ALX4: variants seen among roughly 807,000 people sequenced by gnomAD.
The protein encoded by ALX4 is homeobox protein aristaless-like 4.
Under a neutral mutation model 40.6 loss-of-function variants are expected in ALX4, and 22 were observed. The observed-to-expected ratio is 0.54, with a 90% CI of 0.39 to 0.77. The LOEUF (loss-of-function observed/expected upper bound fraction) is 0.77, where lower values mean the gene tolerates loss of function less well. Among genes scored for constraint, ALX4 ranks in the 30% least tolerant of loss-of-function variants. ALX4 has a pLI of 0.00. For synonymous variants in ALX4, 266 were observed against 240.5 expected (o/e 1.11, Z -0.98); for missense variants, 556 against 564.8 (o/e 0.98, Z 0.16).
At chr11:44,302,835 C>CA (rs1348116592) in intron 1 of ALX4, among the ~76,000 whole-genome samples, 7 of 152,210 alleles carry the variant, frequency 4.6e-5, no homozygotes, top group Admixed American at 1.3e-4. Flanking sequence ...TTCTCCTGGA[C>CA]AAAAATGCGT....
chr11:44,284,621 G>C (rs1047284220), intron 1 of ALX4, among the ~76,000 whole-genome samples: 14 of 152,174 alleles, frequency 9.2e-5, no homozygotes, highest in Non-Finnish European at 1.3e-4. Flanking sequence ...GTCCCCACCA[G>C]ACTCACGGAC....
rs374837304 is a variant in ALX4 at position 44,282,604 on chromosome 11, G to A, written c.467-6946C>T. Among the ~76,000 whole-genome samples the A allele has an allele frequency of 1.8e-4, 27 of 152,316 alleles. No individual in the cohort carries two copies. The East Asian group carries it at 4.4e-3, about 25-fold the overall frequency. On this transcript the variant is annotated intron_variant, in intron 1 of 3. Coordinates refer to ENST00000652299, the MANE Select transcript of ALX4 (RefSeq NM_021926.4). ...TGTCCTTTGACAGGGGAATGGAGAC[G>A]CAAGCTGTGGTCTATCCAGGCCATG...
chr11:44,264,738 A>G lies in ALX4; in HGVS notation c.*116T>C. On this transcript the variant is annotated 3_prime_UTR_variant, in exon 4 of 4. Coordinates refer to ENST00000652299, the MANE Select transcript of ALX4 (RefSeq NM_021926.4). ...GGGGCGGCTGAAAGTGCTGAGGGTC[A>G]GGCCCCTGGCCCAGGCCAGGTTCCT... The G allele has an allele frequency of 8.3e-7, 1 of 1,210,484 alleles. No homozygotes were observed. Among genetic ancestry groups the G allele is most frequent in the Non-Finnish European group, 1.2e-6 (1 of 867,106 alleles). 75.0% of individuals were successfully genotyped at this position (1,210,484 alleles called of 1,614,324 possible). A position where few individuals can be genotyped will look rare whatever the true frequency, so the allele number is the denominator to read the frequency against.
chr11:44,287,029 C>T (rs1278488287), intron 1 of ALX4, among the ~76,000 whole-genome samples: 2 of 152,194 alleles, frequency 1.3e-5, no homozygotes, highest in Non-Finnish European at 2.9e-5. Context: ...CTAGGACACC[C>T]CTGTCGTTTG....
chr11:44,297,009 C>CAAA (rs60856634), intron 1 of ALX4, among the ~76,000 whole-genome samples: 1 of 86,886 alleles, frequency 1.2e-5, no homozygotes, highest in South Asian at 6.1e-4. Flanking sequence ...AACTCTGTCT[C>CAAA]AAAAAAAAAA....
chr11:44,281,860 C>T (rs138804792), intron 1 of ALX4, among the ~76,000 whole-genome samples: 90 of 152,316 alleles, frequency 5.9e-4, no homozygotes, highest in African/African-American at 2.1e-3. Flanking sequence ...CGGGGCACAG[C>T]TGTTTGCAGA....
intron 1 of ALX4, among the ~76,000 whole-genome samples, chr11:44,285,368 A>G (rs1956332692): frequency 6.6e-6 from 1 of 152,220 alleles, no homozygotes; most frequent in Non-Finnish European, 1.5e-5. Flanking sequence ...GAGAACAATC[A>G]CTATTTTATT....
chr11:44,293,550 C>T lies in ALX4; in HGVS notation c.466+16047G>A, dbSNP rs76335810. 2.4e-4 allele frequency among the ~76,000 whole-genome samples: 37 copies of T among 152,338 alleles called. 1 individual carries two copies. In the East Asian group the frequency reaches 5.2e-3, roughly 21 times the overall value. On this transcript the variant is annotated intron_variant, in intron 1 of 3. Transcript: ENST00000652299. The stretch of plus-strand genomic sequence containing the variant: ...TCTTGGCAGGATGGATCCCCTGCAA[C>T]GGGATAGATCTCCTGAGAGGATACT...
intron 1 of ALX4, among the ~76,000 whole-genome samples, chr11:44,293,148 GA>G (rs1565007434): frequency 0.044 from 3,362 of 76,164 alleles, 313 homozygotes; most frequent in Non-Finnish European, 0.061. Flanking sequence ...AGGAAGGAAG[GA>G]AGGAAGGAAG....
chr11:44,262,741 C>A lies in ALX4; in HGVS notation c.*2113G>T. ...GAAAGACCCAAGGTGAAAGTTCCTT[C>A]CTTCCCCATCCTTCCTCAGCCATGA... On this transcript the variant is annotated 3_prime_UTR_variant, in exon 4 of 4. Transcript: ENST00000652299. 1 of 152,254 alleles carries A rather than the reference C, an allele frequency of 6.6e-6. No homozygotes were observed. 9.4% of individuals were successfully genotyped at this position (152,254 alleles called of 1,614,324 possible). A position where few individuals can be genotyped will look rare whatever the true frequency, so the allele number is the denominator to read the frequency against.
Position 44,309,687 on chromosome 11 carries a change from G to C in ALX4, c.376C>G (p.Arg126Gly). ...PPAQPHLYLQ[R>G]GACKTPPDGS... ...TCCGGGGGCGTCTTGCAGGCGCCTC[G>C]CTGCAAGTAAAGATGCGGTTGCGCG... The change falls in exon 1 of 4, where the codon CGA becomes GGA. Residue 126 changes from arginine to glycine, a missense_variant. Arg to Gly is a moderately radical substitution (Grantham distance 125, BLOSUM62 -2). Coordinates refer to ENST00000652299, the MANE Select transcript of ALX4 (RefSeq NM_021926.4). 6.3e-7 allele frequency: 1 copy of C among 1,590,480 alleles called. No homozygotes were observed. Among genetic ancestry groups the C allele is most frequent in the Non-Finnish European group, 8.5e-7 (1 of 1,171,580 alleles).
At chr11:44,270,645 A>G (rs1023629191) in intron 2 of ALX4, among the ~76,000 whole-genome samples, 11 of 151,416 alleles carry the variant, frequency 7.3e-5, no homozygotes, top group Admixed American at 7.2e-4. Context: ...TGCCACACCA[A>G]CCCCCACGCC....
chr11:44,293,142 AGG>A (rs1459421902), intron 1 of ALX4, among the ~76,000 whole-genome samples: 1 of 69,722 alleles, frequency 1.4e-5, no homozygotes, highest in East Asian at 3.9e-4. Flanking sequence ...GAAGGAAGGA[AGG>A]AAGGAAGGAA....
Position 44,264,952 on chromosome 11 carries a change from A to G in ALX4, c.1138T>C (p.Tyr380His). The G allele has an allele frequency of 6.2e-7, 1 of 1,613,212 alleles. No homozygotes were observed. Among genetic ancestry groups the G allele is most frequent in the Non-Finnish European group, 8.5e-7 (1 of 1,179,936 alleles). ...CGGTCCGGCTCGCCGTTGAGCTCGT[A>G]GCCATTGAGGCCTGGGCTGAGGCTG... The part of the protein sequence containing the change: ...AASLSPGLNG[Y>H]ELNGEPDRKT... Residue 380 changes from tyrosine to histidine, a missense_variant, in exon 4 of 4, where the codon TAC becomes CAC. Tyr to His is a moderately conservative substitution (Grantham distance 83). Transcript: ENST00000652299.
chr11:44,279,861 CA>C (rs1956298756), intron 1 of ALX4, among the ~76,000 whole-genome samples: 2 of 151,938 alleles, frequency 1.3e-5, no homozygotes, highest in Non-Finnish European at 3.0e-5. Context: ...TGTCCCTTCT[CA>C]GCCTGAGGCT....
chr11:44,292,675 T>G (rs1956376994), intron 1 of ALX4, among the ~76,000 whole-genome samples: 1 of 152,254 alleles, frequency 6.6e-6, no homozygotes, highest in South Asian at 2.1e-4. Context: ...AAGTTTTGGT[T>G]GGTGTTTTTG....
At chr11:44,278,930 C>A (rs1956293519) in intron 1 of ALX4, among the ~76,000 whole-genome samples, 1 of 152,190 alleles carries the variant, frequency 6.6e-6, no homozygotes, top group Non-Finnish European at 1.5e-5. Flanking sequence ...AGCCTTCTAA[C>A]CTGTCTTGAG....
At chr11:44,283,337 TA>T (rs1956320735) in intron 1 of ALX4, among the ~76,000 whole-genome samples, 2 of 151,910 alleles carry the variant, frequency 1.3e-5, no homozygotes, top group South Asian at 4.1e-4. Context: ...TTCATATATA[TA>T]AAACAAAAAC....
intron 1 of ALX4, among the ~76,000 whole-genome samples, chr11:44,283,832 G>A (rs1189318124): frequency 6.6e-6 from 1 of 152,038 alleles, no homozygotes; most frequent in Non-Finnish European, 1.5e-5. Context: ...CCAAAGTGCT[G>A]GGATTACAGG....
Sources: allele counts gnomAD v4.1 joint callset (sites outside exome capture counted in the v4.1 genomes callset), GRCh38; gene constraint gnomAD v4.1.1; transcripts MANE v1.5; gene names NCBI Gene and HGNC (gene_info 2026-07-23, HGNC 2026-07-21).